THSD7B: variants seen among roughly 807,000 people sequenced by gnomAD.
THSD7B encodes the protein thrombospondin type 1 domain containing 7B.
Under a neutral mutation model 213.6 loss-of-function variants are expected in THSD7B, and 138 were observed. The ratio of observed to expected loss-of-function variants is 0.65; its 90% confidence interval spans 0.56 to 0.74. The LOEUF (loss-of-function observed/expected upper bound fraction) is 0.74. THSD7B is among the 30% of genes least tolerant of loss of function. The pLI is 0.00. For missense variants in THSD7B, 1,931 were observed against 1,991.5 expected (o/e 0.97, Z 0.58); for synonymous variants, 742 against 687.0 (o/e 1.08, Z -1.25).
chr2:136,949,818 C>T (rs1385815172), intron 2 of THSD7B, among the ~76,000 whole-genome samples: 2 of 152,152 alleles, frequency 1.3e-5, no homozygotes, highest in African/African-American at 4.8e-5. Flanking sequence ...CCATTGGACC[C>T]AGCAATCCCA....
At chr2:137,246,458 G>A (rs1682041221) in intron 10 of THSD7B, among the ~76,000 whole-genome samples, 1 of 152,156 alleles carries the variant, frequency 6.6e-6, no homozygotes, top group Non-Finnish European at 1.5e-5. Flanking sequence ...GGTTGTTTAT[G>A]GGACCAAGTG....
intron 2 of THSD7B, among the ~76,000 whole-genome samples, chr2:136,926,936 C>A (rs1684539256): frequency 6.6e-6 from 1 of 152,150 alleles, no homozygotes; most frequent in Admixed American, 6.5e-5. Flanking sequence ...TAAATGGGCT[C>A]ATCTCCAATT....
intron 5 of THSD7B, chr2:137,156,271 G>C (rs765886327): frequency 2.0e-5 from 3 of 152,272 alleles, no homozygotes; most frequent in East Asian, 1.9e-4. Context: ...CTGTGATAGA[G>C]ACAGGCTGAC....
chr2:137,063,771 C>G (rs1265648093), intron 3 of THSD7B, among the ~76,000 whole-genome samples: 1 of 151,992 alleles, frequency 6.6e-6, no homozygotes, highest in Non-Finnish European at 1.5e-5. Context: ...TGAGAACATG[C>G]AAAGCTTGTC....
chr2:137,143,332 G>C (rs1195299947), intron 5 of THSD7B, among the ~76,000 whole-genome samples: 1 of 152,086 alleles, frequency 6.6e-6, no homozygotes, highest in African/African-American at 2.4e-5. Context: ...ATCAAAACGT[G>C]GAATCACGCA....
chr2:137,255,200 T>C (rs1682278559), intron 10 of THSD7B, among the ~76,000 whole-genome samples: 1 of 152,038 alleles, frequency 6.6e-6, no homozygotes, highest in Non-Finnish European at 1.5e-5. Flanking sequence ...CAGAGGGAGA[T>C]CAAAATATCA....
chr2:137,558,845 T>TGATA (rs1173035659), intron 15 of THSD7B, among the ~76,000 whole-genome samples: 2 of 152,216 alleles, frequency 1.3e-5, no homozygotes, highest in African/African-American at 4.8e-5. Context: ...CTCCTTAAGC[T>TGATA]GATAAGCAAC....
intron 16 of THSD7B, among the ~76,000 whole-genome samples, chr2:137,571,863 C>G (rs531724638): frequency 6.6e-6 from 1 of 151,932 alleles, no homozygotes; most frequent in Admixed American, 6.6e-5. Context: ...GCAGAAGTTA[C>G]CTGAAAGAAT....
chr2:136,966,449 T>A (rs958514394), intron 2 of THSD7B, among the ~76,000 whole-genome samples: 2 of 152,180 alleles, frequency 1.3e-5, no homozygotes, highest in Admixed American at 6.5e-5. Context: ...ACTCTTGGGT[T>A]CAAGTGATAT....
intron 2 of THSD7B, among the ~76,000 whole-genome samples, chr2:137,027,680 T>C (rs1217520603): frequency 6.6e-6 from 1 of 152,198 alleles, no homozygotes; most frequent in Non-Finnish European, 1.5e-5. Flanking sequence ...CTGATTAAAA[T>C]GGATACTCTA....
intron 27 of THSD7B, among the ~76,000 whole-genome samples, chr2:137,669,754 T>C (rs1189033723): frequency 6.6e-6 from 1 of 152,246 alleles, no homozygotes; most frequent in Non-Finnish European, 1.5e-5. Flanking sequence ...ATCTAGATTC[T>C]ATGGTTCCCA....
chr2:137,579,400 G>A (rs910294966), intron 17 of THSD7B, among the ~76,000 whole-genome samples: 4 of 152,160 alleles, frequency 2.6e-5, no homozygotes, highest in African/African-American at 9.7e-5. Context: ...CTTTGGACTG[G>A]AACCACACCA....
At chr2:137,234,531 T>C (rs1681721810) in intron 9 of THSD7B, among the ~76,000 whole-genome samples, 1 of 152,026 alleles carries the variant, frequency 6.6e-6, no homozygotes, top group Non-Finnish European at 1.5e-5. Context: ...CACATGAAGA[T>C]GTGTATTTGC....
At chr2:137,406,858 T>C (rs1000812134) in intron 13 of THSD7B, among the ~76,000 whole-genome samples, 38 of 152,210 alleles carry the variant, frequency 2.5e-4, no homozygotes, top group Non-Finnish European at 2.8e-4. Context: ...TATGCAACAT[T>C]GCTTGTTTCT....
In THSD7B at chr2:137,657,136, C is replaced by G; in HGVS notation, c.4351C>G (p.Arg1451Gly). 1 of 1,613,934 alleles carries G rather than the reference C, an allele frequency of 6.2e-7. No individual in the cohort carries two copies. The highest frequency in any genetic ancestry group is 8.5e-7 in the Non-Finnish European group (1 of 1,179,864). Residue 1451 changes from arginine to glycine, a missense_variant, in exon 24 of 28, where the codon CGT becomes GGT. Physicochemically the swap from Arg to Gly is moderately radical, Grantham distance 125. Coordinates refer to ENST00000409968, the MANE Select transcript of THSD7B (RefSeq NM_001316349.2). ...TAACGAACGAACTGTATGGTGCCAG[C>G]GTTCAGATGGCGTTAATGTCACAGG... ...NNNERTVWCQRSDGVNVTGGC... is the reference protein window; with the variant it reads ...NNNERTVWCQGSDGVNVTGGC...
intron 25 of THSD7B, among the ~76,000 whole-genome samples, chr2:137,660,145 T>A (rs1345086836): frequency 6.6e-6 from 1 of 152,210 alleles, no homozygotes; most frequent in Admixed American, 6.5e-5. Context: ...GTGAGTACAT[T>A]TTTAGTTTAT....
chr2:136,838,033 CA>C (rs1274403513), intron 1 of THSD7B, among the ~76,000 whole-genome samples: 2 of 152,208 alleles, frequency 1.3e-5, no homozygotes, highest in African/African-American at 4.8e-5. Flanking sequence ...GCTATTATCA[CA>C]CCTGTATGTT....
At chr2:137,060,968 C>T (rs912061783) in intron 3 of THSD7B, among the ~76,000 whole-genome samples, 5 of 151,636 alleles carry the variant, frequency 3.3e-5, no homozygotes, top group Non-Finnish European at 7.4e-5. Flanking sequence ...ACTGAGTCAT[C>T]CTATTCTGGT....
chr2:136,919,349 A>G (rs138084058), intron 2 of THSD7B, among the ~76,000 whole-genome samples: 130 of 152,354 alleles, frequency 8.5e-4, no homozygotes, highest in African/African-American at 3.0e-3. Context: ...ATATTTTTGT[A>G]GTGTTTCCTT....
Sources: gnomAD v4.1 joint callset for allele counts (sites outside exome capture counted in the v4.1 genomes callset) on GRCh38, gnomAD v4.1.1 for gene constraint, MANE v1.5 for transcripts, NCBI Gene and HGNC (gene_info 2026-07-23, HGNC 2026-07-21) for gene names.